NUDT21: variants seen among roughly 807,000 people sequenced by gnomAD.
NUDT21 encodes the protein cleavage and polyadenylation specificity factor subunit 5.
In NUDT21, 5 loss-of-function variants were observed where a neutral mutation model predicts 29.8. The observed-to-expected ratio is 0.17, with a 90% CI of 0.09 to 0.35. NUDT21 has a LOEUF of 0.35. Among genes scored for constraint, NUDT21 ranks in the 10% least tolerant of loss-of-function variants. NUDT21 has a pLI of 1.00. For synonymous variants in NUDT21, 113 were observed against 98.5 expected (o/e 1.15, Z -0.87); for missense variants, 76 against 276.0 (o/e 0.28, Z 5.13).
At chr16:56,436,464 G>A (rs766383230) in intron 4 of NUDT21, among the ~76,000 whole-genome samples, 13 of 152,188 alleles carry the variant, frequency 8.5e-5, no homozygotes, top group Non-Finnish European at 1.5e-4. Flanking sequence ...ATTCCAGTTA[G>A]AATAATTATA....
intron 3 of NUDT21, among the ~76,000 whole-genome samples, chr16:56,443,253 T>G (rs1962180445): frequency 6.6e-6 from 1 of 152,064 alleles, no homozygotes. Flanking sequence ...CTTGGCTCAC[T>G]GCAACCTCCA....
At chr16:56,442,672 AAACTC>A (rs1356564132) in intron 3 of NUDT21, among the ~76,000 whole-genome samples, 1 of 152,216 alleles carries the variant, frequency 6.6e-6, no homozygotes, top group African/African-American at 2.4e-5. Flanking sequence ...CTCAATCTCA[AAACTC>A]ATGCCCTTTG....
chr16:56,449,283 C>CA lies in NUDT21; in HGVS notation c.117-1295dup, dbSNP rs1365438919. ...ATGTCAGAATTTTCACCTGTGAAATCAGAGTGCCAGCCCAGACATACATAT... is the reference window on the plus strand; with the variant it reads ...ATGTCAGAATTTTCACCTGTGAAATCAAGAGTGCCAGCCCAGACATACATAT... On this transcript the variant is annotated intron_variant, in intron 1 of 6. Transcript: ENST00000300291. 4 of 152,316 alleles carry CA rather than the reference C, an allele frequency of 2.6e-5. No individual in the cohort carries two copies. In the East Asian group the frequency reaches 7.7e-4, roughly 29 times the overall value. The allele number at this position is 152,316 out of a possible 1,614,324, so 9.4% of individuals were successfully genotyped here.
chr16:56,432,839 G>A, intron 6 of NUDT21, 106 bp from the exon 7 acceptor site: 1 of 805,176 alleles, frequency 1.2e-6, no homozygotes, highest in Non-Finnish European at 1.9e-6. Flanking sequence ...TAGCATGTCT[G>A]GCATTTTCTT....
At chr16:56,448,011 CTAACA>C in intron 1 of NUDT21, 22 bp from the exon 2 acceptor site, 1 of 1,595,686 alleles carries the variant, frequency 6.3e-7, no homozygotes, top group Non-Finnish European at 8.6e-7. Flanking sequence ...AGACAAACAT[CTAACA>C]TGAGAACTGA....
chr16:56,450,522 T>C (rs1444098284), intron 1 of NUDT21, among the ~76,000 whole-genome samples: 1 of 152,128 alleles, frequency 6.6e-6, no homozygotes, highest in African/African-American at 2.4e-5. Flanking sequence ...CGCGAAGGCA[T>C]AAGGCATGGG....
Position 56,431,221 on chromosome 16 carries a change from T to C in NUDT21, c.*1491A>G, listed in dbSNP as rs1259253869. The C allele has an allele frequency of 6.6e-6, 1 of 152,200 alleles. No homozygotes were observed. The highest frequency in any genetic ancestry group is 1.5e-5 in the Non-Finnish European group (1 of 68,032). The allele number at this position is 152,200 out of a possible 1,614,324, so 9.4% of individuals were successfully genotyped here. On this transcript the variant is annotated 3_prime_UTR_variant, in exon 7 of 7. Transcript: ENST00000300291. ...ATACATTACATGAGAAATATGCTAA[T>C]GTAGGCTAGAGGGGTAGGACTGTTA...
chr16:56,441,859 A>G (rs773407178), intron 3 of NUDT21, among the ~76,000 whole-genome samples: 18 of 152,180 alleles, frequency 1.2e-4, no homozygotes, highest in Admixed American at 3.3e-4. Flanking sequence ...TCAAATATCA[A>G]TTGTCAGTTA....
In NUDT21 at chr16:56,429,234, CTT is replaced by C. The variant is rs1331242178; in HGVS notation, c.*3476_*3477del. On this transcript the variant is annotated 3_prime_UTR_variant, in exon 7 of 7. Coordinates refer to ENST00000300291, the MANE Select transcript of NUDT21 (RefSeq NM_007006.3). The stretch of plus-strand genomic sequence containing the variant: ...TACAAATATAAAAATATAACCAAAA[CTT>C]GTTTCTTTTATACATTTGCCATAAA... 6.6e-6 allele frequency: 1 copy of C among 152,164 alleles called. No homozygotes were observed. Among genetic ancestry groups the C allele is most frequent in the African/African-American group, 2.4e-5 (1 of 41,440 alleles). 9.4% of individuals were successfully genotyped at this position (152,164 alleles called of 1,614,324 possible).
chr16:56,446,605 AG>A lies in NUDT21; in HGVS notation c.381+20del. ...TAACTAGTAAGTTGATGGTATTCAAAGTGGTTAAACAGAAAAATACCTCTGT... is the reference window on the plus strand; with the variant it reads ...TAACTAGTAAGTTGATGGTATTCAAATGGTTAAACAGAAAAATACCTCTGT... On this transcript the variant is annotated intron_variant, in intron 3 of 6. Coordinates refer to ENST00000300291, the MANE Select transcript of NUDT21 (RefSeq NM_007006.3). The A allele has an allele frequency of 6.8e-7, 1 of 1,480,834 alleles. No individual in the cohort carries two copies. 91.7% of individuals were successfully genotyped at this position (1,480,834 alleles called of 1,614,324 possible).
At chr16:56,437,960 C>A (rs771808523) in intron 4 of NUDT21, among the ~76,000 whole-genome samples, 4 of 152,114 alleles carry the variant, frequency 2.6e-5, no homozygotes, top group Non-Finnish European at 5.9e-5. Context: ...GGATCACAAC[C>A]CTTATGAATT....
intron 6 of NUDT21, among the ~76,000 whole-genome samples, chr16:56,432,956 A>T (rs1203211322): frequency 6.6e-6 from 1 of 152,048 alleles, no homozygotes; most frequent in East Asian, 1.9e-4. Context: ...TACTTATAAT[A>T]AAAAAAATTA....
At chr16:56,440,127 T>C (rs1296524846) in intron 3 of NUDT21, among the ~76,000 whole-genome samples, 2 of 152,248 alleles carry the variant, frequency 1.3e-5, no homozygotes, top group Non-Finnish European at 2.9e-5. Context: ...TCCCACTGGC[T>C]GTAACTTTCA....
At chr16:56,443,349 TTA>T (rs1427129557) in intron 3 of NUDT21, among the ~76,000 whole-genome samples, 5 of 151,964 alleles carry the variant, frequency 3.3e-5, no homozygotes, top group Non-Finnish European at 7.4e-5. Context: ...GCTAATTTGT[TTA>T]TGTTTGTAGA....
At chr16:56,450,687 G>A (rs776666113) in intron 1 of NUDT21, among the ~76,000 whole-genome samples, 1 of 152,164 alleles carries the variant, frequency 6.6e-6, no homozygotes, top group Non-Finnish European at 1.5e-5. Context: ...ATGATACTAG[G>A]TTATACCATT....
intron 6 of NUDT21, among the ~76,000 whole-genome samples, chr16:56,433,983 A>T (rs1189198302): frequency 6.6e-6 from 1 of 152,224 alleles, no homozygotes; most frequent in Non-Finnish European, 1.5e-5. Context: ...CACTACATCC[A>T]GCCAATTTGC....
Position 56,432,687 on chromosome 16 carries a change from T to C in NUDT21, c.*25A>G. The C allele has an allele frequency of 6.2e-7, 1 of 1,607,144 alleles. No individual in the cohort carries two copies. Among genetic ancestry groups the C allele is most frequent in the South Asian group, 1.1e-5 (1 of 90,124 alleles). On this transcript the variant is annotated 3_prime_UTR_variant, in exon 7 of 7. Coordinates refer to ENST00000300291, the MANE Select transcript of NUDT21 (RefSeq NM_007006.3). ...TGTGCTCACAGAGACAAGCGGCTTC[T>C]TTTACTTCTCCACTGCGCAGGAATT...
At chr16:56,444,461 G>A (rs1399885477) in intron 3 of NUDT21, among the ~76,000 whole-genome samples, 2 of 151,930 alleles carry the variant, frequency 1.3e-5, no homozygotes, top group African/African-American at 2.4e-5. Flanking sequence ...GTGGGCACCT[G>A]TAATCCCAGC....
Position 56,432,504 on chromosome 16 carries a change from C to T in NUDT21, c.*208G>A. ...TTGTACAAAAAAGTATGAGCAGAAC[C>T]GAAAGTAAATAAACATTATCACATT... On this transcript the variant is annotated 3_prime_UTR_variant, in exon 7 of 7. Transcript: ENST00000300291. 2 of 412,654 alleles carry T rather than the reference C, an allele frequency of 4.8e-6. No homozygotes were observed. Among genetic ancestry groups the T allele is most frequent in the African/African-American group, 2.1e-5 (1 of 48,652 alleles). The allele number at this position is 412,654 out of a possible 1,614,324, so 25.6% of individuals were successfully genotyped here.
Sources: allele counts gnomAD v4.1 joint callset (sites outside exome capture counted in the v4.1 genomes callset), GRCh38; gene constraint gnomAD v4.1.1; transcripts MANE v1.5; gene names NCBI Gene and HGNC (gene_info 2026-07-23, HGNC 2026-07-21).